NPTN: variants seen among roughly 807,000 people sequenced by gnomAD.
NPTN encodes neuroplastin, also known as SDR-1.
In NPTN, 5 loss-of-function variants were observed where a neutral mutation model predicts 42.7. The ratio of observed to expected loss-of-function variants is 0.12; its 90% CI spans 0.06 to 0.25. NPTN has a LOEUF of 0.25. Ranked by LOEUF, NPTN falls within the 10% of genes least tolerant of loss-of-function variation. The pLI is 1.00. For missense variants in NPTN, 307 were observed against 525.4 expected (o/e 0.58, Z 4.06); for synonymous variants, 180 against 201.9 (o/e 0.89, Z 0.92).
Position 73,580,721 on chromosome 15 carries a change from T to A in NPTN, c.706+6803A>T, listed in dbSNP as rs186231342. Among the ~76,000 whole-genome samples, 7 of 151,656 alleles carry A rather than the reference T, an allele frequency of 4.6e-5. 1 individual carries two copies. In the East Asian group the frequency reaches 1.4e-3, roughly 29 times the overall value. On this transcript the variant is annotated intron_variant, in intron 4 of 8. Transcript: ENST00000345330. ...CCCAAAAGTTATCTTTCCTTGTAGA[T>A]GTGCTAAAACACCTTAGACCCAAAG...
At position 73,560,363 on chromosome 15, in the gene NPTN, G is replaced by C. The variant is rs1894590332; in HGVS notation, c.*700C>G. The C allele has an allele frequency of 6.4e-6, 1 of 155,146 alleles. No homozygotes were observed. The highest frequency in any genetic ancestry group is 6.5e-5 in the Admixed American group (1 of 15,288). 9.6% of individuals were successfully genotyped at this position (155,146 alleles called of 1,614,324 possible). A position where few individuals can be genotyped will look rare whatever the true frequency, so the allele number is the denominator to read the frequency against. On this transcript the variant is annotated 3_prime_UTR_variant, in exon 9 of 9. Coordinates refer to ENST00000345330, the MANE Select transcript of NPTN (RefSeq NM_012428.4). The stretch of plus-strand genomic sequence containing the variant: ...ATTTATGAATTTACATGACTTAACA[G>C]AAGAAAAGATAATCACTTAAAAAGC...
intron 1 of NPTN, among the ~76,000 whole-genome samples, chr15:73,599,138 A>C (rs1896959595): frequency 6.6e-6 from 1 of 152,136 alleles, no homozygotes; most frequent in Non-Finnish European, 1.5e-5. Context: ...AGGCCCCAAG[A>C]AGCCCAACAG....
intron 4 of NPTN, among the ~76,000 whole-genome samples, chr15:73,577,310 A>T (rs1394767719): frequency 6.6e-6 from 1 of 152,202 alleles, no homozygotes; most frequent in African/African-American, 2.4e-5. Flanking sequence ...AGCAGGAAGA[A>T]GCCAGAGTGA....
At chr15:73,580,782 A>G (rs1426901660) in intron 4 of NPTN, among the ~76,000 whole-genome samples, 3 of 151,816 alleles carry the variant, frequency 2.0e-5, no homozygotes, top group African/African-American at 7.3e-5. Flanking sequence ...AGCAGAACCT[A>G]TTTACCTGTC....
intron 1 of NPTN, among the ~76,000 whole-genome samples, chr15:73,631,976 A>G (rs1247247290): frequency 6.6e-6 from 1 of 152,132 alleles, no homozygotes; most frequent in Non-Finnish European, 1.5e-5. Flanking sequence ...ACCACCTCCC[A>G]GGGGCCACTT....
At chr15:73,576,365 G>C (rs1895697144) in intron 4 of NPTN, among the ~76,000 whole-genome samples, 2 of 152,204 alleles carry the variant, frequency 1.3e-5, no homozygotes, top group Admixed American at 1.3e-4. Flanking sequence ...GTCTCTCTCT[G>C]TTGGCCAGGC....
In NPTN at chr15:73,623,546, G is replaced by T. The variant is rs796752407; in HGVS notation, c.91+9579C>A. On this transcript the variant is annotated intron_variant, in intron 1 of 8. Transcript: ENST00000345330. ...CACAAAAAATTCAAAAATTAGCCAG[G>T]CATGGAGGTATGCGCCTGTGGTCCC... is the stretch of plus-strand genomic sequence containing the variant. Among the ~76,000 whole-genome samples the T allele has an allele frequency of 3.3e-5, 5 of 152,206 alleles. No homozygotes were observed. The South Asian group carries it at 1.0e-3, about 32-fold the overall frequency.
At chr15:73,610,963 C>T (rs1373436037) in intron 1 of NPTN, among the ~76,000 whole-genome samples, 1 of 152,142 alleles carries the variant, frequency 6.6e-6, no homozygotes, top group African/African-American at 2.4e-5. Context: ...TTTACTGAGT[C>T]TTATTTTGAA....
At position 73,570,447 on chromosome 15, in the gene NPTN, A is replaced by G. The variant is rs367571305; in HGVS notation, c.841-24T>C. On this transcript the variant is annotated intron_variant, in intron 5 of 8. Coordinates refer to ENST00000345330, the MANE Select transcript of NPTN (RefSeq NM_012428.4). This position sits in a 1 kb window ranked among gnomAD's most constrained non-coding sequence, Gnocchi z 4.0. ...TCCTGCAAAAAAGTGAGAATACACA[A>G]AGGTGAGAGTGAGTAACTGAGCTAA... 2 of 1,601,600 alleles carry G rather than the reference A, an allele frequency of 1.2e-6. No homozygotes were observed. Among genetic ancestry groups the G allele is most frequent in the African/African-American group, 2.7e-5 (2 of 74,760 alleles).
At chr15:73,603,746 G>A (rs1304222724) in intron 1 of NPTN, among the ~76,000 whole-genome samples, 1 of 152,152 alleles carries the variant, frequency 6.6e-6, no homozygotes, top group Non-Finnish European at 1.5e-5. Context: ...GGAAGATACT[G>A]GATATTGAAC....
intron 1 of NPTN, among the ~76,000 whole-genome samples, chr15:73,629,715 T>C (rs1004201348): frequency 6.6e-6 from 1 of 152,120 alleles, no homozygotes; most frequent in African/African-American, 2.4e-5. Context: ...CCACATTCAT[T>C]AATTCAGCTA....
chr15:73,582,507 C>CA, intron 4 of NPTN, among the ~76,000 whole-genome samples: 1 of 152,306 alleles, frequency 6.6e-6, no homozygotes, highest in South Asian at 2.1e-4. Flanking sequence ...CAGTCTAGGA[C>CA]AGGTGCCTCC....
Position 73,570,114 on chromosome 15 carries a change from C to G in NPTN, c.1114+36G>C. The G allele has an allele frequency of 1.3e-6, 2 of 1,556,306 alleles. No homozygotes were observed. Among genetic ancestry groups the G allele is most frequent in the Non-Finnish European group, 1.7e-6 (2 of 1,148,914 alleles). On this transcript the variant is annotated intron_variant, in intron 6 of 8. Coordinates refer to ENST00000345330, the MANE Select transcript of NPTN (RefSeq NM_012428.4). This position sits in a 1 kb window ranked among gnomAD's most constrained non-coding sequence, Gnocchi z 4.0. ...TTGGAAACCACCCGAAGGAACCAACCCCAGCAGTACAGCTATTTTGTAGGG... is the reference window on the plus strand; with the variant it reads ...TTGGAAACCACCCGAAGGAACCAACGCCAGCAGTACAGCTATTTTGTAGGG...
chr15:73,598,138 G>T (rs1896913377), intron 1 of NPTN, among the ~76,000 whole-genome samples: 1 of 152,174 alleles, frequency 6.6e-6, no homozygotes, highest in Non-Finnish European at 1.5e-5. Flanking sequence ...GGTCAGCTCA[G>T]AAGTGGGACC....
At chr15:73,561,529 A>G (rs1894665367) in intron 8 of NPTN, among the ~76,000 whole-genome samples, 1 of 152,022 alleles carries the variant, frequency 6.6e-6, no homozygotes, top group Non-Finnish European at 1.5e-5. Flanking sequence ...AAAATACAAA[A>G]TTTAGCTGGG....
Position 73,570,701 on chromosome 15 carries a change from C to T in NPTN, c.841-278G>A, listed in dbSNP as rs909024107. Among the ~76,000 whole-genome samples, 1 of 152,174 alleles carries T rather than the reference C, an allele frequency of 6.6e-6. No homozygotes were observed. Among genetic ancestry groups the T allele is most frequent in the Non-Finnish European group, 1.5e-5 (1 of 68,042 alleles). ...CTGGAGACTCAGAAAAGTCCAACAA[C>T]CTAGTAAATGCTGCCTCCAACACCA... is the stretch of plus-strand genomic sequence containing the variant. On this transcript the variant is annotated intron_variant, in intron 5 of 8. Coordinates refer to ENST00000345330, the MANE Select transcript of NPTN (RefSeq NM_012428.4). This position sits in a 1 kb window ranked among gnomAD's most constrained non-coding sequence, Gnocchi z 4.0.
At chr15:73,632,345 C>T (rs1334450581) in intron 1 of NPTN, among the ~76,000 whole-genome samples, 1 of 151,294 alleles carries the variant, frequency 6.6e-6, no homozygotes, top group Non-Finnish European at 1.5e-5. Flanking sequence ...CCTCCATCCT[C>T]TGCTCATTTT....
intron 3 of NPTN, among the ~76,000 whole-genome samples, chr15:73,588,743 C>A (rs1487296359): frequency 6.6e-6 from 1 of 152,198 alleles, no homozygotes; most frequent in Non-Finnish European, 1.5e-5. Context: ...AATGTCATCC[C>A]CTTCCACAAC....
rs375188498 is a variant in NPTN, at chr15:73,597,002, C to T, written c.439+20G>A. 6.2e-7 allele frequency: 1 copy of T among 1,600,092 alleles called. No homozygotes were observed. The highest frequency in any genetic ancestry group is 2.2e-5 in the East Asian group (1 of 44,722). Reference sequence around the variant, plus strand: ...ACCTCTAATGACTACAGTACTACTACTGTAGGGTGCTGGACTCACTCTGAA... The same window carrying T: ...ACCTCTAATGACTACAGTACTACTATTGTAGGGTGCTGGACTCACTCTGAA... On this transcript the variant is annotated intron_variant, in intron 2 of 8. Coordinates refer to ENST00000345330, the MANE Select transcript of NPTN (RefSeq NM_012428.4). This position sits in a 1 kb window ranked among gnomAD's most constrained non-coding sequence, Gnocchi z 6.3.
Sources: allele counts gnomAD v4.1 joint callset (sites outside exome capture counted in the v4.1 genomes callset), GRCh38; gene constraint gnomAD v4.1.1; non-coding constraint Gnocchi (gnomAD v3.1); transcripts MANE v1.5; gene names NCBI Gene and HGNC (gene_info 2026-07-23, HGNC 2026-07-21).